Variants in CHD1 observed in about 807,000 individuals in gnomAD.
The protein encoded by CHD1 is ATP-dependent chromatin remodeler CHD1.
Under a neutral mutation model 224.2 loss-of-function variants are expected in CHD1, and 36 were observed. That is an observed-to-expected ratio of 0.16 (90% confidence interval 0.12 to 0.21). The LOEUF (loss-of-function observed/expected upper bound fraction) is 0.21. CHD1 is among the 10% of genes least tolerant of loss of function. The pLI is 1.00. For missense variants in CHD1, 1,378 were observed against 1,994.8 expected (o/e 0.69, Z 5.89); for synonymous variants, 668 against 658.3 (o/e 1.01, Z -0.23).
At chr5:98,909,012 A>C (rs1752221046) in intron 2 of CHD1, among the ~76,000 whole-genome samples, 1 of 149,418 alleles carries the variant, frequency 6.7e-6, no homozygotes, top group Non-Finnish European at 1.5e-5. Flanking sequence ...ATGATGAATT[A>C]TCATGAATCT....
In CHD1 at chr5:98,899,652, C is replaced by T. The variant is rs781238322; in HGVS notation, c.913G>A (p.Ala305Thr). The change falls in exon 8 of 36, where the codon GCA (alanine) becomes ACA (threonine). Residue 305 changes from alanine (A) to threonine (T), a missense_variant. Transcript: ENST00000614616. Reference protein sequence around the residue: ...YAVEADGDPNAGFEKNKEPGE... With the variant: ...YAVEADGDPNTGFEKNKEPGE... ...GGTTCTTTGTTTTTTTCAAAGCCTGCATTTGGGTCACCATCTGCTTCAACT... is the reference window on the plus strand; with the variant it reads ...GGTTCTTTGTTTTTTTCAAAGCCTGTATTTGGGTCACCATCTGCTTCAACT... 1 of 1,613,804 alleles carries T rather than the reference C, an allele frequency of 6.2e-7. No individual in the cohort carries two copies. Among genetic ancestry groups the T allele is most frequent in the African/African-American group, 1.3e-5 (1 of 74,954 alleles).
chr5:98,890,566 G>A (rs2112460514), intron 15 of CHD1, among the ~76,000 whole-genome samples: 1 of 152,220 alleles, frequency 6.6e-6, no homozygotes, highest in South Asian at 2.1e-4. Context: ...TATATGACTA[G>A]CACTAAGAGA....
rs934843730 is a variant in CHD1 at position 98,909,806 on chromosome 5, A to G, written c.54-4708T>C. ...ACTCATGGATTTGAACTTATTTTAT[A>G]AATTTTAATCTACTGTCAGCATCCT... On this transcript the variant is annotated intron_variant, in intron 2 of 35. Coordinates refer to ENST00000614616, the MANE Select transcript of CHD1 (RefSeq NM_001270.4). Among the ~76,000 whole-genome samples the G allele has an allele frequency of 3.3e-5, 5 of 152,284 alleles. No individual in the cohort carries two copies. The South Asian group carries it at 1.0e-3, about 32-fold the overall frequency.
chr5:98,868,466 T>C (rs773425844), intron 31 of CHD1, 29 bp downstream of exon 31: 4 of 1,573,364 alleles, frequency 2.5e-6, no homozygotes, highest in Non-Finnish European at 3.4e-6. Flanking sequence ...TATGAGTTAA[T>C]ACTAATAATC....
At position 98,905,233 on chromosome 5, in the gene CHD1, AAAAAGG is replaced by A; in HGVS notation, c.54-141_54-136del. ...TCAACTATCTTTGGCCAAAAAAAAGAAAAAGGAATTGATTTAATCTATAGTAACAAC... is the reference window on the plus strand; with the variant it reads ...TCAACTATCTTTGGCCAAAAAAAAGAAATTGATTTAATCTATAGTAACAAC... On this transcript the variant is annotated intron_variant, in intron 2 of 35. Transcript: ENST00000614616. The A allele has an allele frequency of 1.2e-5, 12 of 1,002,806 alleles. No homozygotes were observed. The South Asian group carries it at 1.9e-4, about 16-fold the overall frequency. The allele number at this position is 1,002,806 out of a possible 1,614,324, so 62.1% of individuals were successfully genotyped here.
chr5:98,923,132 T>G (rs1051259770), intron 2 of CHD1, among the ~76,000 whole-genome samples: 2 of 152,178 alleles, frequency 1.3e-5, no homozygotes, highest in African/African-American at 2.4e-5. Flanking sequence ...TAATGTCTTA[T>G]GACAAAAGCT....
chr5:98,890,984 G>C (rs1385224133), intron 15 of CHD1, among the ~76,000 whole-genome samples: 3 of 152,164 alleles, frequency 2.0e-5, no homozygotes, highest in African/African-American at 2.4e-5. Flanking sequence ...AGACAACAGA[G>C]AAAACTTGAA....
intron 28 of CHD1, 22 bp from the exon 29 acceptor site, chr5:98,870,825 TCA>T (rs1749275203): frequency 1.4e-6 from 2 of 1,469,598 alleles, no homozygotes; most frequent in Non-Finnish European, 1.9e-6. Flanking sequence ...ATAAATTTTT[TCA>T]GATTGTCTTA....
intron 8 of CHD1, 86 bp from the exon 9 acceptor site, chr5:98,898,850 C>T (rs571555967): frequency 2.3e-5 from 17 of 734,728 alleles, no homozygotes; most frequent in Non-Finnish European, 3.7e-5. Flanking sequence ...ATTTGTAGCA[C>T]AAAATCTCCC....
intron 2 of CHD1, among the ~76,000 whole-genome samples, chr5:98,909,528 CTGA>C (rs1213631222): frequency 1.3e-5 from 2 of 152,106 alleles, no homozygotes; most frequent in Admixed American, 6.6e-5. Flanking sequence ...TTAGCAGCCA[CTGA>C]TGATGATATG....
chr5:98,904,564 G>A (rs1049826457), intron 3 of CHD1, among the ~76,000 whole-genome samples: 15 of 152,170 alleles, frequency 9.9e-5, no homozygotes, highest in South Asian at 4.1e-4. Context: ...ATCATAACAC[G>A]GTAAGGTTAA....
At chr5:98,877,458 C>T (rs965838888) in intron 23 of CHD1, among the ~76,000 whole-genome samples, 4 of 152,096 alleles carry the variant, frequency 2.6e-5, no homozygotes, top group Non-Finnish European at 5.9e-5. Context: ...GCTTAATATC[C>T]ACATATTGCT....
At chr5:98,875,729 G>T (rs1194939345) in intron 24 of CHD1, among the ~76,000 whole-genome samples, 1 of 152,124 alleles carries the variant, frequency 6.6e-6, no homozygotes, top group African/African-American at 2.4e-5. Context: ...GAAGAATTTT[G>T]TCAGGTCTAA....
chr5:98,873,602 C>T lies in CHD1; in HGVS notation c.3562G>A (p.Glu1188Lys). The T allele has an allele frequency of 6.3e-7, 1 of 1,595,170 alleles. No individual in the cohort carries two copies. Among genetic ancestry groups the T allele is most frequent in the Non-Finnish European group, 8.5e-7 (1 of 1,173,106 alleles). ...CTCAGTTTAATGTTACCTGTTCGTT[C>T]TGTTCCTGAAGAACTATCCTTTAAT... is the stretch of plus-strand genomic sequence containing the variant. The part of the protein sequence containing the change: ...KALKDSSSGT[E>K]RTGGRLGKVK... Residue 1188 changes from glutamate to lysine, a missense_variant, in exon 26 of 36, where the codon GAA (glutamate) becomes AAA (lysine). Physicochemically the swap from Glu to Lys is moderately conservative, Grantham distance 56. Coordinates refer to ENST00000614616, the MANE Select transcript of CHD1 (RefSeq NM_001270.4).
intron 3 of CHD1, 130 bp from the exon 4 acceptor site, chr5:98,904,038 T>C (rs1751889507): frequency 1.7e-6 from 1 of 597,574 alleles, no homozygotes. Context: ...CTTACCTATA[T>C]GTAACACAAT....
intron 31 of CHD1, among the ~76,000 whole-genome samples, chr5:98,866,729 A>G (rs1448451627): frequency 6.6e-6 from 1 of 152,274 alleles, no homozygotes; most frequent in East Asian, 1.9e-4. Flanking sequence ...TATTGTAACT[A>G]TATATAAACA....
intron 2 of CHD1, among the ~76,000 whole-genome samples, chr5:98,924,307 C>T (rs1039336744): frequency 6.6e-6 from 1 of 152,096 alleles, no homozygotes; most frequent in African/African-American, 2.4e-5. Context: ...CTTCTATTTA[C>T]TTAACTATAG....
At chr5:98,859,206 T>C (rs1358719195) in intron 33 of CHD1, among the ~76,000 whole-genome samples, 191 bp from the exon 34 acceptor site, 2 of 152,140 alleles carry the variant, frequency 1.3e-5, no homozygotes, top group African/African-American at 4.8e-5. Flanking sequence ...GTCCCATGAC[T>C]TAAAGATATT....
intron 21 of CHD1, 34 bp from the exon 22 acceptor site, chr5:98,881,205 G>A (rs1429356882): frequency 7.0e-7 from 1 of 1,420,992 alleles, no homozygotes; most frequent in Admixed American, 2.0e-5. Flanking sequence ...AAATATACTT[G>A]AATCCTTTCA....
Sources: gnomAD v4.1 joint callset for allele counts (sites outside exome capture counted in the v4.1 genomes callset) on GRCh38, gnomAD v4.1.1 for gene constraint, MANE v1.5 for transcripts, NCBI Gene and HGNC (gene_info 2026-07-23, HGNC 2026-07-21) for gene names.